The following STARD9 variants were observed in gnomAD, a reference collection of about 807,000 sequenced individuals.
STARD9 encodes the protein StAR related lipid transfer domain containing 9, also known as stAR-related lipid transfer protein 9.
A neutral mutation model predicts 399.8 loss-of-function variants in STARD9; 346 were observed. The observed-to-expected ratio is 0.87, with a 90% CI of 0.79 to 0.95. The LOEUF is 0.95. Ranked by LOEUF, STARD9 falls within the 40% of genes least tolerant of loss-of-function variation. STARD9 has a pLI of 0.00. For missense variants in STARD9, 5,832 were observed against 5,667.5 expected (o/e 1.03, Z -0.93); for synonymous variants, 2,203 against 2,143.5 (o/e 1.03, Z -0.77).
At chr15:42,637,252 AC>A (rs781370388) in intron 4 of STARD9, among the ~76,000 whole-genome samples, 35 of 151,988 alleles carry the variant, frequency 2.3e-4, no homozygotes, top group Non-Finnish European at 4.0e-4. Flanking sequence ...TCACTCTGTT[AC>A]CCAAGCTGGA....
intron 13 of STARD9, among the ~76,000 whole-genome samples, chr15:42,664,251 C>A (rs2060046499): frequency 6.6e-6 from 1 of 152,160 alleles, no homozygotes. Context: ...CACTCTGTCA[C>A]CCAGGCTGGA....
chr15:42,691,036 G>T lies in STARD9; in HGVS notation c.9458G>T (p.Ser3153Ile), dbSNP rs1421522943. 6.5e-7 allele frequency: 1 copy of T among 1,537,118 alleles called. No homozygotes were observed. Among genetic ancestry groups the T allele is most frequent in the African/African-American group, 1.4e-5 (1 of 73,042 alleles). Residue 3153 changes from serine (S) to isoleucine (I), a missense_variant, in exon 23 of 33, where the codon AGC becomes ATC. This residue lies in a region of STARD9 where 5,828 missense variants were observed against 5,651.1 expected (regional missense o/e 1.03). Transcript: ENST00000290607. The part of the protein sequence containing the change: ...TLDLSEGSAE[S>I]KLVVEPQHEC... The stretch of plus-strand genomic sequence containing the variant: ...GATTTAAGTGAAGGGTCTGCTGAGA[G>T]CAAGTTGGTGGTAGAGCCACAGCAT...
Position 42,687,177 on chromosome 15 carries a change from GA to G in STARD9, c.5601del (p.Glu1867AspfsTer7). 3.3e-6 allele frequency: 5 copies of G among 1,537,372 alleles called. No homozygotes were observed. The highest frequency in any genetic ancestry group is 4.4e-6 in the Non-Finnish European group (5 of 1,146,938). On this transcript the variant is annotated frameshift_variant, in exon 23 of 33. Coordinates refer to ENST00000290607, the MANE Select transcript of STARD9 (RefSeq NM_020759.3). LOFTEE classifies it high-confidence loss of function. ...CCCCTCTACCAGCACAAAAGTATGTGAATTTGAAAACCAAGTTGTAATTTTA... is the reference window on the plus strand; with the variant it reads ...CCCCTCTACCAGCACAAAAGTATGTGATTTGAAAACCAAGTTGTAATTTTA... ...FLPSTSTKVC[E>X]FENQVVILNK...
chr15:42,594,511 A>G (rs2058466213), intron 3 of STARD9, among the ~76,000 whole-genome samples: 2 of 152,372 alleles, frequency 1.3e-5, no homozygotes, highest in South Asian at 4.1e-4. Flanking sequence ...CCTGATACAT[A>G]GTAGCTAAAT....
At chr15:42,695,924 C>T in intron 26 of STARD9, 44 bp downstream of exon 26, 2 of 1,517,816 alleles carry the variant, frequency 1.3e-6, no homozygotes, top group African/African-American at 2.9e-5. Context: ...CCTGGACTGC[C>T]AAGGCAAGAG....
At chr15:42,613,147 C>T (rs1309530565) in intron 3 of STARD9, among the ~76,000 whole-genome samples, 2 of 152,064 alleles carry the variant, frequency 1.3e-5, no homozygotes, top group African/African-American at 2.4e-5. Flanking sequence ...TATCTGTCAT[C>T]TGTATAATGA....
intron 3 of STARD9, among the ~76,000 whole-genome samples, chr15:42,624,248 G>A (rs2059151992): frequency 6.6e-6 from 1 of 151,720 alleles, no homozygotes; most frequent in Non-Finnish European, 1.5e-5. Context: ...TATATACATT[G>A]GGAAATTAAA....
rs1467194811 is a variant in STARD9 at position 42,686,957 on chromosome 15, T to A, written c.5379T>A (p.Tyr1793Ter). ...ACCACCAAGCTCTCCAAGGTGCTTA[T>A]TTGAAGAATAATTTGCCAGTGCTGT... ...GHNHQALQGA[Y>*]LKNNLPVLLQ... Residue 1793 changes from tyrosine to a stop codon, truncating the protein, a stop_gained, in exon 23 of 33, where the codon TAT becomes TAA. Coordinates refer to ENST00000290607, the MANE Select transcript of STARD9 (RefSeq NM_020759.3). LOFTEE classifies it high-confidence loss of function. 1.3e-6 allele frequency: 2 copies of A among 1,536,564 alleles called. No individual in the cohort carries two copies. The highest frequency in any genetic ancestry group is 3.9e-5 in the Admixed American group (2 of 50,942).
intron 18 of STARD9, chr15:42,675,412 C>G: frequency 1.9e-6 from 1 of 516,966 alleles, no homozygotes; most frequent in Non-Finnish European, 3.5e-6. Context: ...TCCTCCTCTT[C>G]CATCAAGTGT....
chr15:42,626,495 T>G (rs1309473190), intron 3 of STARD9, among the ~76,000 whole-genome samples: 1 of 150,178 alleles, frequency 6.7e-6, no homozygotes, highest in Non-Finnish European at 1.5e-5. Flanking sequence ...CCTCTTCCTC[T>G]TCTTTTTTTT....
chr15:42,674,555 C>T (rs947659211), intron 17 of STARD9, 64 bp downstream of exon 17: 87 of 1,438,554 alleles, frequency 6.0e-5, no homozygotes, highest in East Asian at 5.2e-4. Flanking sequence ...AAGGTTTCTT[C>T]GAGGACTTTG....
intron 13 of STARD9, among the ~76,000 whole-genome samples, chr15:42,664,161 G>T (rs1025478288): frequency 5.3e-5 from 8 of 151,974 alleles, no homozygotes; most frequent in African/African-American, 1.9e-4. Flanking sequence ...TTCCTCTTAA[G>T]ATTTCTTAGT....
intron 3 of STARD9, among the ~76,000 whole-genome samples, chr15:42,628,621 G>A (rs966443445): frequency 1.3e-5 from 2 of 152,144 alleles, no homozygotes; most frequent in African/African-American, 4.8e-5. Flanking sequence ...GTGAGAGATA[G>A]GGGTCAAGTT....
At chr15:42,590,476 A>G (rs1185338443) in intron 3 of STARD9, among the ~76,000 whole-genome samples, 1 of 152,188 alleles carries the variant, frequency 6.6e-6, no homozygotes, top group Non-Finnish European at 1.5e-5. Flanking sequence ...TGGAGGGAGT[A>G]TCTAAATATC....
At position 42,687,773 on chromosome 15, in the gene STARD9, A is replaced by G; in HGVS notation, c.6195A>G (p.Glu2065=). 6.5e-7 allele frequency: 1 copy of G among 1,537,422 alleles called. No homozygotes were observed. Among genetic ancestry groups the G allele is most frequent in the Non-Finnish European group, 8.7e-7 (1 of 1,146,892 alleles). ...TGGAAAATGGCATCTTAGAAATTGA[A>G]TCTAAGCAGAATAAGCAGGTTCATG... The part of the protein sequence containing the change: ...MQLENGILEI[E]SKQNKQVHAS... Residue 2065 remains glutamate (E), a synonymous_variant, in exon 23 of 33, where the codon GAA becomes GAG. Coordinates refer to ENST00000290607, the MANE Select transcript of STARD9 (RefSeq NM_020759.3).
chr15:42,701,977 T>G (rs2060973607), intron 26 of STARD9, among the ~76,000 whole-genome samples: 1 of 124,514 alleles, frequency 8.0e-6, no homozygotes, highest in African/African-American at 3.2e-5. Context: ...CAGGTGACAG[T>G]GTGAGACTCT....
At chr15:42,651,947 C>T (rs1566905142) in intron 8 of STARD9, among the ~76,000 whole-genome samples, 1 of 152,174 alleles carries the variant, frequency 6.6e-6, no homozygotes, top group Non-Finnish European at 1.5e-5. Flanking sequence ...TAAGGGTTAA[C>T]ACTGTAATGG....
chr15:42,660,410 C>G (rs1434979487), intron 9 of STARD9, among the ~76,000 whole-genome samples: 1 of 151,744 alleles, frequency 6.6e-6, no homozygotes, highest in Non-Finnish European at 1.5e-5. Flanking sequence ...GCTAAAAATA[C>G]AAAATTAGCC....
Position 42,685,275 on chromosome 15 carries a change from G to T in STARD9, c.3697G>T (p.Glu1233Ter), listed in dbSNP as rs763131092. 3.9e-6 allele frequency: 6 copies of T among 1,537,598 alleles called. No homozygotes were observed. In the South Asian group the frequency reaches 7.1e-5, roughly 18 times the overall value. The change falls in exon 23 of 33, where the codon GAG becomes TAG. Residue 1233 changes from glutamate (E) to a stop codon, truncating the protein, a stop_gained. Coordinates refer to ENST00000290607, the MANE Select transcript of STARD9 (RefSeq NM_020759.3). LOFTEE classifies it high-confidence loss of function. ...FPGSADEIPTETFWHLEDSSL... is the reference protein window; with the variant it reads ...FPGSADEIPT ...TGGTTCAGCTGACGAGATACCCACA[G>T]AGACTTTTTGGCACCTGGAGGACTC...
Sources: allele counts gnomAD v4.1 joint callset (sites outside exome capture counted in the v4.1 genomes callset), GRCh38; gene constraint gnomAD v4.1.1; regional missense constraint gnomAD v4.1.1; transcripts MANE v1.5; gene names NCBI Gene and HGNC (gene_info 2026-07-23, HGNC 2026-07-21).